LUC7L3: variants seen among roughly 807,000 people sequenced by gnomAD.
LUC7L3 encodes luc7-like protein 3.
Under a neutral mutation model 66.8 loss-of-function variants are expected in LUC7L3, and 6 were observed. The ratio of observed to expected loss-of-function variants is 0.09; its 90% CI spans 0.05 to 0.18. The LOEUF is 0.18. Among genes scored for constraint, LUC7L3 ranks in the 10% least tolerant of loss-of-function variants. The pLI is 1.00. For missense variants in LUC7L3, 341 were observed against 531.1 expected (o/e 0.64, Z 3.52); for synonymous variants, 160 against 174.7 (o/e 0.92, Z 0.66).
At position 50,729,899 on chromosome 17, in the gene LUC7L3, TATATATATATA is replaced by T. The variant is rs1969455657; in HGVS notation, c.100-7060_100-7050del. ...GTATATATTGAATATAAATACATTATATATATATATATATATATATATATATATATATATAT... is the reference window on the plus strand; with the variant it reads ...GTATATATTGAATATAAATACATTATTATATATATATATATATATATATAT... On this transcript the variant is annotated intron_variant, in intron 1 of 9. Transcript: ENST00000505658. 8.2e-3 allele frequency among the ~76,000 whole-genome samples: 117 copies of T among 14,262 alleles called. 6 individuals carry two copies. Among genetic ancestry groups the T allele is most frequent in the African/African-American group, 0.012 (109 of 9,004 alleles). The allele number at this position is 14,262 out of a possible 152,430, so 9.4% of individuals were successfully genotyped here.
At chr17:50,730,063 C>T (rs1463484725) in intron 1 of LUC7L3, among the ~76,000 whole-genome samples, 1 of 151,092 alleles carries the variant, frequency 6.6e-6, no homozygotes, top group Non-Finnish European at 1.5e-5. Flanking sequence ...TAGCAGTCCT[C>T]CCACTGCTTG....
At chr17:50,743,902 C>A in intron 6 of LUC7L3, 92 bp downstream of exon 6, 1 of 939,862 alleles carries the variant, frequency 1.1e-6, no homozygotes, top group East Asian at 2.5e-5. Flanking sequence ...ACTGATGTTC[C>A]AAACTTAGAG....
chr17:50,750,462 T>C, intron 9 of LUC7L3, 39 bp from the exon 10 acceptor site: 1 of 1,566,200 alleles, frequency 6.4e-7, no homozygotes, highest in African/African-American at 1.4e-5. Flanking sequence ...TATTGTATTT[T>C]ACTTTAAAAT....
Position 50,750,712 on chromosome 17 carries a change from C to T in LUC7L3, c.*51C>T. 1 of 1,613,898 alleles carries T rather than the reference C, an allele frequency of 6.2e-7. No individual in the cohort carries two copies. Among genetic ancestry groups the T allele is most frequent in the East Asian group, 2.2e-5 (1 of 44,854 alleles). ...AGACAGAGGTAAGTGTATTGTTTCTCACTTTGATTAGGGCTTTTTGTTACT... is the reference window on the plus strand; with the variant it reads ...AGACAGAGGTAAGTGTATTGTTTCTTACTTTGATTAGGGCTTTTTGTTACT... On this transcript the variant is annotated 3_prime_UTR_variant, in exon 10 of 10. Coordinates refer to ENST00000505658, the MANE Select transcript of LUC7L3 (RefSeq NM_016424.5).
chr17:50,728,969 T>G (rs1164618030), intron 1 of LUC7L3, among the ~76,000 whole-genome samples: 1 of 152,180 alleles, frequency 6.6e-6, no homozygotes, highest in East Asian at 1.9e-4. Context: ...CAGAATACAG[T>G]AAGTCTGCAT....
chr17:50,753,824 TA>T lies in LUC7L3; in HGVS notation c.*3165del, dbSNP rs1297242573. 6.6e-6 allele frequency: 1 copy of T among 152,198 alleles called. No individual in the cohort carries two copies. Among genetic ancestry groups the T allele is most frequent in the Non-Finnish European group, 1.5e-5 (1 of 68,022 alleles). 9.4% of individuals were successfully genotyped at this position (152,198 alleles called of 1,614,324 possible). ...GCCTCATCTAGAATCAACGTCTAAC[TA>T]ACTTAAATGAAGTATAATAAATGAG... On this transcript the variant is annotated 3_prime_UTR_variant, in exon 10 of 10. Transcript: ENST00000505658.
chr17:50,724,611 TTGTGTGTGTGTGTG>T (rs58361696), intron 1 of LUC7L3, among the ~76,000 whole-genome samples: 26 of 147,264 alleles, frequency 1.8e-4, no homozygotes, highest in African/African-American at 3.5e-4. Context: ...TTTAGGAAAA[TTGTGTGTGTGTGTG>T]TGTGTGTGTG....
chr17:50,744,894 C>T lies in LUC7L3; in HGVS notation c.693+81C>T, dbSNP rs1175455879. Reference sequence around the variant, plus strand: ...TGACGCGATCTCAGCTCACTGCCACCTCCACCTCCCAGGTTTAAGCAATTC... The same window carrying T: ...TGACGCGATCTCAGCTCACTGCCACTTCCACCTCCCAGGTTTAAGCAATTC... On this transcript the variant is annotated intron_variant, in intron 7 of 9. Coordinates refer to ENST00000505658, the MANE Select transcript of LUC7L3 (RefSeq NM_016424.5). 13 of 1,146,640 alleles carry T rather than the reference C, an allele frequency of 1.1e-5. No homozygotes were observed. The East Asian group carries it at 3.0e-4, about 27-fold the overall frequency. 71.0% of individuals were successfully genotyped at this position (1,146,640 alleles called of 1,614,324 possible). A position where few individuals can be genotyped will look rare whatever the true frequency, so the allele number is the denominator to read the frequency against.
intron 1 of LUC7L3, among the ~76,000 whole-genome samples, chr17:50,731,744 A>G (rs1355234360): frequency 6.6e-6 from 1 of 152,202 alleles, no homozygotes; most frequent in Non-Finnish European, 1.5e-5. Flanking sequence ...ATATAGCTGG[A>G]TGCTGTCAGG....
chr17:50,742,559 G>A (rs150247490), intron 5 of LUC7L3, among the ~76,000 whole-genome samples: 143 of 152,198 alleles, frequency 9.4e-4, no homozygotes, highest in African/African-American at 3.0e-3. Context: ...GGGTTTCACC[G>A]TGCTGGCCAA....
chr17:50,732,218 G>C (rs112899543), intron 1 of LUC7L3, among the ~76,000 whole-genome samples: 6 of 152,300 alleles, frequency 3.9e-5, no homozygotes, highest in African/African-American at 1.4e-4. Flanking sequence ...AGTAGATAAA[G>C]TAGAAATCTT....
intron 1 of LUC7L3, among the ~76,000 whole-genome samples, chr17:50,720,488 A>C (rs1968673117): frequency 1.3e-5 from 2 of 152,236 alleles, no homozygotes; most frequent in Non-Finnish European, 2.9e-5. Context: ...GGTGAGACTT[A>C]AAAAGGCTCA....
intron 1 of LUC7L3, among the ~76,000 whole-genome samples, chr17:50,733,502 C>T (rs548419966): frequency 3.2e-4 from 49 of 150,778 alleles, no homozygotes; most frequent in African/African-American, 1.1e-3. Flanking sequence ...CCTGTGTTCA[C>T]GCCATTCTCC....
Position 50,735,230 on chromosome 17 carries a change from C to CAA in LUC7L3, c.100-1716_100-1715dup, listed in dbSNP as rs907051149. Reference sequence around the variant, plus strand: ...GGGCAACAAGAGCGAAACTCTGTCTCAAAAAAAAAAAAAAAGAAAAAAAAA... The same window carrying CAA: ...GGGCAACAAGAGCGAAACTCTGTCTCAAAAAAAAAAAAAAAAAGAAAAAAAAA... On this transcript the variant is annotated intron_variant, in intron 1 of 9. Transcript: ENST00000505658. 9.1e-3 allele frequency among the ~76,000 whole-genome samples: 589 copies of CAA among 64,950 alleles called. 5 individuals carry two copies. The highest frequency in any genetic ancestry group is 0.031 in the African/African-American group (563 of 18,088). 42.6% of individuals were successfully genotyped at this position (64,950 alleles called of 152,430 possible).
chr17:50,729,962 T>G (rs1969476866), intron 1 of LUC7L3, among the ~76,000 whole-genome samples: 4 of 119,792 alleles, frequency 3.3e-5, no homozygotes, highest in Admixed American at 9.3e-5. Context: ...ATTTTGGGGG[T>G]GGGGAGGTGG....
At position 50,756,135 on chromosome 17, in the gene LUC7L3, CATTT is replaced by C. The variant is rs1971107232; in HGVS notation, c.*5475_*5478del. On this transcript the variant is annotated 3_prime_UTR_variant, in exon 10 of 10. Coordinates refer to ENST00000505658, the MANE Select transcript of LUC7L3 (RefSeq NM_016424.5). ...AGGGTCTGTTTCTGAAGCCTGTGGG[CATTT>C]CCTTTTTTAATCTGTATGTTTATGT... 2 of 151,972 alleles carry C rather than the reference CATTT, an allele frequency of 1.3e-5. No individual in the cohort carries two copies. 9.4% of individuals were successfully genotyped at this position (151,972 alleles called of 1,614,324 possible). A position where few individuals can be genotyped will look rare whatever the true frequency, so the allele number is the denominator to read the frequency against.
intron 1 of LUC7L3, among the ~76,000 whole-genome samples, chr17:50,732,943 C>T (rs60532351): frequency 0.19 from 29,134 of 152,074 alleles, 3,321 homozygotes; most frequent in African/African-American, 0.3. Context: ...ATTCATTGTG[C>T]TGTGTTGCAG....
In LUC7L3 at chr17:50,750,865, G is replaced by T. The variant is rs1256231177; in HGVS notation, c.*204G>T. The stretch of plus-strand genomic sequence containing the variant: ...AAAACATTTTGAGGTACATTGTTTT[G>T]TCTCAGCTATTTTGTAGCAGACTCG... On this transcript the variant is annotated 3_prime_UTR_variant, in exon 10 of 10. Transcript: ENST00000505658. 2 of 1,536,940 alleles carry T rather than the reference G, an allele frequency of 1.3e-6. No homozygotes were observed. The highest frequency in any genetic ancestry group is 2.7e-5 in the African/African-American group (2 of 73,040).
Position 50,750,606 on chromosome 17 carries a change from A to T in LUC7L3, c.1244A>T (p.Glu415Val). 1 of 1,614,128 alleles carries T rather than the reference A, an allele frequency of 6.2e-7. No individual in the cohort carries two copies. Among genetic ancestry groups the T allele is most frequent in the Non-Finnish European group, 8.5e-7 (1 of 1,179,988 alleles). ...TCGAAGGAAAGTGATACTAAGAATG[A>T]GGTCAATGGGACCAGTGAAGACATT... is the stretch of plus-strand genomic sequence containing the variant. ...TESKESDTKN[E>V]VNGTSEDIKS... The change falls in exon 10 of 10, where the codon GAG (glutamate) becomes GTG (valine). Residue 415 changes from glutamate to valine, a missense_variant. By Grantham distance (121) the Glu-to-Val change is moderately radical. This residue lies in a region of LUC7L3 where 210 missense variants were observed against 238.1 expected (regional missense o/e 0.88). Transcript: ENST00000505658.
Sources: gnomAD v4.1 joint callset for allele counts (sites outside exome capture counted in the v4.1 genomes callset) on GRCh38, gnomAD v4.1.1 for gene constraint, gnomAD v4.1.1 regional missense constraint, MANE v1.5 for transcripts, NCBI Gene and HGNC (gene_info 2026-07-23, HGNC 2026-07-21) for gene names.